The following EYS variants were observed in gnomAD, a reference collection of about 807,000 sequenced individuals.
EYS encodes EGF-like photoreceptor maintenance factor.
EYS carries 250 observed loss-of-function variants against 282.1 expected under a neutral mutation model. The ratio of observed to expected loss-of-function variants is 0.89; its 90% CI spans 0.80 to 0.98. EYS has a LOEUF of 0.98. Ranked by LOEUF, EYS falls within the 50% of genes least tolerant of loss-of-function variation. The probability of loss-of-function intolerance (pLI) is 0.00; values close to 1 mark genes in which losing one functional copy is unlikely to be tolerated. For synonymous variants in EYS, 1,355 were observed against 1,282.9 expected (o/e 1.06, Z -1.20); for missense variants, 4,016 against 3,709.0 (o/e 1.08, Z -2.15).
chr6:64,341,688 A>T (rs1771118918), intron 29 of EYS, among the ~76,000 whole-genome samples: 1 of 151,670 alleles, frequency 6.6e-6, no homozygotes, highest in African/African-American at 2.4e-5. Flanking sequence ...AATTTTTTAA[A>T]AAATGACTGC....
chr6:63,874,633 G>A (rs1201262431), intron 35 of EYS, among the ~76,000 whole-genome samples: 1 of 151,270 alleles, frequency 6.6e-6, no homozygotes, highest in Non-Finnish European at 1.5e-5. Flanking sequence ...CATGAGCATG[G>A]AATGTTCTTC....
chr6:65,302,156 G>T (rs1403779565), intron 11 of EYS, among the ~76,000 whole-genome samples: 3 of 152,174 alleles, frequency 2.0e-5, no homozygotes, highest in Non-Finnish European at 4.4e-5. Flanking sequence ...TCTGACAAAG[G>T]TTATTTGAAT....
intron 19 of EYS, among the ~76,000 whole-genome samples, chr6:64,836,016 A>T (rs763039300): frequency 6.2e-4 from 94 of 151,604 alleles, no homozygotes; most frequent in Non-Finnish European, 1.0e-3. Flanking sequence ...AAACATATTA[A>T]AATGTTTTAA....
rs192183150 is a variant in EYS, at chr6:64,701,295, G to C, written c.3444-75050C>G. Among the ~76,000 whole-genome samples the C allele has an allele frequency of 9.2e-5, 14 of 152,158 alleles. No individual in the cohort carries two copies. The East Asian group carries it at 2.5e-3, about 27-fold the overall frequency. ...AAAAGAAAACTTAAAAGAAATCTTG[G>C]ATATTTGCCTAGGCAAAGAATTCAA... On this transcript the variant is annotated intron_variant, in intron 22 of 42. Transcript: ENST00000503581.
chr6:63,781,634 T>C (rs1770229693), intron 39 of EYS, among the ~76,000 whole-genome samples: 2 of 152,238 alleles, frequency 1.3e-5, no homozygotes, highest in Admixed American at 6.5e-5. Context: ...GCTTATCAGC[T>C]TAAGGAGATT....
chr6:65,033,388 G>A (rs773166989), intron 13 of EYS, among the ~76,000 whole-genome samples: 4 of 152,124 alleles, frequency 2.6e-5, no homozygotes, highest in African/African-American at 7.2e-5. Flanking sequence ...AACATGCCTC[G>A]AAGGTATTTC....
chr6:65,402,421 A>G, intron 7 of EYS, 57 bp downstream of exon 7: 1 of 1,197,388 alleles, frequency 8.4e-7, no homozygotes, highest in Non-Finnish European at 1.2e-6. Flanking sequence ...ATTTTTGTTC[A>G]CATGATTTAA....
chr6:64,549,743 T>TTTC (rs1554176038), intron 26 of EYS, among the ~76,000 whole-genome samples: 2 of 151,832 alleles, frequency 1.3e-5, no homozygotes, highest in African/African-American at 4.8e-5. Flanking sequence ...CTTTTTTTTT[T>TTTC]TTTTTTTTAT....
rs533228015 is a variant in EYS at position 64,412,882 on chromosome 6, A to T, written c.5927+23292T>A. The T allele has an allele frequency of 6.6e-5, 10 of 152,292 alleles. No individual in the cohort carries two copies. In the East Asian group the frequency reaches 1.7e-3, roughly 26 times the overall value. The allele number at this position is 152,292 out of a possible 1,614,324, so 9.4% of individuals were successfully genotyped here. A position where few individuals can be genotyped will look rare whatever the true frequency, so the allele number is the denominator to read the frequency against. On this transcript the variant is annotated intron_variant, in intron 28 of 42. Coordinates refer to ENST00000503581, the MANE Select transcript of EYS (RefSeq NM_001142800.2). ...AAAGATATACAAAATGCACGTGTAT[A>T]TAAGTGGATGGTAAAGTTAAAAAAA... is the stretch of plus-strand genomic sequence containing the variant.
At chr6:64,967,238 A>G (rs1770125783) in intron 14 of EYS, among the ~76,000 whole-genome samples, 1 of 152,100 alleles carries the variant, frequency 6.6e-6, no homozygotes, top group Admixed American at 6.6e-5. Flanking sequence ...GCTCCTTAGA[A>G]AGACTCTGCT....
chr6:65,059,375 A>T (rs1169795256), intron 12 of EYS, among the ~76,000 whole-genome samples: 1 of 152,084 alleles, frequency 6.6e-6, no homozygotes, highest in African/African-American at 2.4e-5. Flanking sequence ...GGTCATATGC[A>T]TTTGCTATTT....
chr6:65,119,809 C>T (rs1775477097), intron 12 of EYS, among the ~76,000 whole-genome samples: 1 of 151,710 alleles, frequency 6.6e-6, no homozygotes, highest in South Asian at 2.1e-4. Context: ...AGTGGCTGAG[C>T]TGTAATTGTG....
rs1765125069 is a variant in EYS at position 65,172,388 on chromosome 6, T to C, written c.2024-114661A>G. Among the ~76,000 whole-genome samples, 3 of 151,496 alleles carry C rather than the reference T, an allele frequency of 2.0e-5. No individual in the cohort carries two copies. In the South Asian group the frequency reaches 6.2e-4, roughly 31 times the overall value. On this transcript the variant is annotated intron_variant, in intron 12 of 42. Coordinates refer to ENST00000503581, the MANE Select transcript of EYS (RefSeq NM_001142800.2). ...CAAGTGAAATTTTGACAAAGGGGCA[T>C]ACATACACCAATAAGAATGCTGACA...
intron 31 of EYS, among the ~76,000 whole-genome samples, chr6:64,087,695 A>G (rs1216523321): frequency 6.6e-6 from 1 of 152,160 alleles, no homozygotes; most frequent in Non-Finnish European, 1.5e-5. Flanking sequence ...AAAATATTTT[A>G]TAAATAAAAT....
chr6:64,844,706 G>T (rs943809101), intron 19 of EYS, among the ~76,000 whole-genome samples: 3 of 152,050 alleles, frequency 2.0e-5, no homozygotes, highest in African/African-American at 7.2e-5. Context: ...TAGTGGAAAT[G>T]GATGAGTAGA....
Position 64,439,302 on chromosome 6 carries a change from C to T in EYS, c.5695G>A (p.Val1899Met), listed in dbSNP as rs1386597682. The T allele has an allele frequency of 1.3e-6, 2 of 1,518,874 alleles. No individual in the cohort carries two copies. Among genetic ancestry groups the T allele is most frequent in the Non-Finnish European group, 1.8e-6 (2 of 1,134,636 alleles). 94.1% of individuals were successfully genotyped at this position (1,518,874 alleles called of 1,614,324 possible). ...ATGTTATTTTGTGGATTTAAAGCCA[C>T]ATTCTGAAATTCTAGATAAGAATCT... ...YGDSYLEFQN[V>M]ALNPQNNISL... is the part of the protein sequence containing the mutation. Residue 1899 changes from valine (V) to methionine (M), a missense_variant, in exon 27 of 43, where the codon GTG (valine) becomes ATG (methionine). Val to Met is a conservative substitution (Grantham distance 21). Coordinates refer to ENST00000503581, the MANE Select transcript of EYS (RefSeq NM_001142800.2).
intron 1 of EYS, among the ~76,000 whole-genome samples, chr6:65,686,788 G>GTT (rs1386227541): frequency 1.3e-5 from 2 of 152,008 alleles, no homozygotes; most frequent in Non-Finnish European, 2.9e-5. Flanking sequence ...CAATGCAAAG[G>GTT]TCATTATAAC....
chr6:64,579,835 G>A (rs930570359), intron 26 of EYS, among the ~76,000 whole-genome samples: 3 of 151,982 alleles, frequency 2.0e-5, no homozygotes, highest in South Asian at 2.1e-4. Context: ...TATACTGGCC[G>A]GTTACTTTGA....
intron 31 of EYS, among the ~76,000 whole-genome samples, chr6:64,095,698 CTCTT>C (rs1201080768): frequency 1.3e-5 from 2 of 152,134 alleles, no homozygotes; most frequent in Non-Finnish European, 2.9e-5. Context: ...TGGGTCTTGA[CTCTT>C]TATCCAATTT....
Sources: allele counts gnomAD v4.1 joint callset (sites outside exome capture counted in the v4.1 genomes callset), GRCh38; gene constraint gnomAD v4.1.1; transcripts MANE v1.5; gene names NCBI Gene and HGNC (gene_info 2026-07-23, HGNC 2026-07-21).